Variants in MYO18B observed in about 807,000 individuals in gnomAD.
The protein encoded by MYO18B is myosin XVIIIB, also known as unconventional myosin-XVIIIb.
Under a neutral mutation model 273.0 loss-of-function variants are expected in MYO18B, and 204 were observed. The ratio of observed to expected loss-of-function variants is 0.75; its 90% CI spans 0.67 to 0.84. MYO18B has a LOEUF of 0.84. MYO18B is among the 40% of genes least tolerant of loss of function. The pLI, the probability that MYO18B is intolerant of heterozygous loss-of-function variation, is 0.00. For missense variants in MYO18B, 3,212 were observed against 3,287.6 expected (o/e 0.98, Z 0.56); for synonymous variants, 1,330 against 1,305.7 (o/e 1.02, Z -0.40).
At chr22:25,996,798 T>C (rs2146874271) in intron 40 of MYO18B, among the ~76,000 whole-genome samples, 1 of 152,206 alleles carries the variant, frequency 6.6e-6, no homozygotes. Flanking sequence ...CAAGGCACGT[T>C]CTAGGAAGTG....
intron 34 of MYO18B, among the ~76,000 whole-genome samples, chr22:25,931,884 C>T (rs1000124402): frequency 1.3e-5 from 2 of 150,512 alleles, no homozygotes; most frequent in Non-Finnish European, 3.0e-5. Context: ...CCATCATGTC[C>T]AGCTAATTTT....
intron 34 of MYO18B, among the ~76,000 whole-genome samples, chr22:25,921,911 A>G (rs916630421): frequency 6.6e-6 from 1 of 151,986 alleles, no homozygotes; most frequent in Non-Finnish European, 1.5e-5. Flanking sequence ...AGTGCCAGTC[A>G]TGCAAAACCA....
chr22:25,942,517 T>C lies in MYO18B; in HGVS notation c.5518-3620T>C, dbSNP rs550907211. Among the ~76,000 whole-genome samples, 7 of 152,334 alleles carry C rather than the reference T, an allele frequency of 4.6e-5. No homozygotes were observed. The South Asian group carries it at 1.2e-3, about 27-fold the overall frequency. ...TCAGACCTCCCAGTGAGTGGCTTTC[T>C]ATGAGGGGCAGTGAAGCTCAGTAGT... On this transcript the variant is annotated intron_variant, in intron 34 of 43. Coordinates refer to ENST00000335473, the MANE Select transcript of MYO18B (RefSeq NM_032608.7).
At chr22:26,047,148 A>G in the MYO18B span, among the ~76,000 whole-genome samples, 1 of 142,058 alleles carries the variant, frequency 7.0e-6, no homozygotes, top group Non-Finnish European at 1.5e-5. Flanking sequence ...TTTTTTTAAG[A>G]CAGAGTCTCG....
Position 25,835,310 on chromosome 22 carries a change from T to C in MYO18B, c.3075T>C (p.Ala1025=). ...DQNPSQVRLP[A]GGGAQDARGL... ...TCTCCCAGCAGGTCCGCTTACCAGC[T>C]GGAGGAGGTGCCCAGGATGCCAGAG... The change falls in exon 17 of 44, where the codon GCT becomes GCC. Residue 1025 remains alanine (A), a synonymous_variant. Transcript: ENST00000335473. 1 of 1,613,824 alleles carries C rather than the reference T, an allele frequency of 6.2e-7. No homozygotes were observed. Among genetic ancestry groups the C allele is most frequent in the Non-Finnish European group, 8.5e-7 (1 of 1,179,826 alleles).
chr22:25,992,573 T>A, intron 40 of MYO18B, 80 bp downstream of exon 40: 1 of 1,578,964 alleles, frequency 6.3e-7, no homozygotes, highest in Non-Finnish European at 8.6e-7. Flanking sequence ...TTAGCCGGGC[T>A]GGGGCCACAT....
At chr22:25,982,262 C>T (rs958293479) in intron 39 of MYO18B, among the ~76,000 whole-genome samples, 3 of 152,134 alleles carry the variant, frequency 2.0e-5, no homozygotes, top group African/African-American at 7.2e-5. Context: ...AGGCAGAGAA[C>T]TGAGCCTTCC....
At chr22:25,952,595 C>A (rs1005411190) in intron 38 of MYO18B, among the ~76,000 whole-genome samples, 172 bp downstream of exon 38, 1 of 152,174 alleles carries the variant, frequency 6.6e-6, no homozygotes, top group African/African-American at 2.4e-5. Flanking sequence ...AGCATCATCC[C>A]TCAAGCCACC....
chr22:25,756,011 C>G (rs1429661205), intron 1 of MYO18B, among the ~76,000 whole-genome samples: 1 of 152,146 alleles, frequency 6.6e-6, no homozygotes, highest in African/African-American at 2.4e-5. Context: ...CATACTTTTG[C>G]CTCAGCCTCC....
At chr22:26,009,039 T>C (rs1934672105) in intron 42 of MYO18B, among the ~76,000 whole-genome samples, 1 of 152,226 alleles carries the variant, frequency 6.6e-6, no homozygotes, top group South Asian at 2.1e-4. Context: ...GCCAAGGTAT[T>C]GTCATCGGGC....
chr22:25,794,365 C>CCTGG (rs1188661073), intron 11 of MYO18B, among the ~76,000 whole-genome samples: 1 of 151,804 alleles, frequency 6.6e-6, no homozygotes, highest in African/African-American at 2.4e-5. Flanking sequence ...TGCCACCATG[C>CCTGG]CTGGCAGATT....
chr22:25,929,603 T>C (rs189080142), intron 34 of MYO18B, among the ~76,000 whole-genome samples: 3 of 152,336 alleles, frequency 2.0e-5, no homozygotes, highest in African/African-American at 7.2e-5. Flanking sequence ...AGAGGCAATA[T>C]GTTACTTGCT....
chr22:25,790,880 C>T (rs1205488863), intron 11 of MYO18B, among the ~76,000 whole-genome samples: 1 of 152,110 alleles, frequency 6.6e-6, no homozygotes, highest in African/African-American at 2.4e-5. Flanking sequence ...GCCTGGGGGT[C>T]CCATCCCTCA....
intron 31 of MYO18B, among the ~76,000 whole-genome samples, chr22:25,906,363 G>GA (rs1015275722): frequency 6.6e-6 from 1 of 151,922 alleles, no homozygotes. Flanking sequence ...CATTTTAAAG[G>GA]AAAAAAAGGC....
intron 12 of MYO18B, among the ~76,000 whole-genome samples, chr22:25,809,586 G>T (rs778536871): frequency 1.2e-4 from 19 of 152,120 alleles, no homozygotes; most frequent in Non-Finnish European, 2.2e-4. Context: ...ATGAAGGGAG[G>T]CTGCTATCTA....
At chr22:25,848,723 T>C (rs923048792) in intron 20 of MYO18B, among the ~76,000 whole-genome samples, 1 of 152,214 alleles carries the variant, frequency 6.6e-6, no homozygotes. Flanking sequence ...GCTATTCTTT[T>C]CTGCCTCTCA....
intron 39 of MYO18B, among the ~76,000 whole-genome samples, chr22:25,971,603 A>T (rs1474557050): frequency 6.6e-6 from 1 of 152,112 alleles, no homozygotes; most frequent in Non-Finnish European, 1.5e-5. Context: ...TCCCAGGATG[A>T]TCCTTCTGTT....
At chr22:25,785,970 G>A (rs1443375860) in intron 11 of MYO18B, among the ~76,000 whole-genome samples, 1 of 152,190 alleles carries the variant, frequency 6.6e-6, no homozygotes, top group African/African-American at 2.4e-5. Context: ...AACTTGGGTA[G>A]GGGCACTCAG....
chr22:25,887,609 C>G lies in MYO18B; in HGVS notation c.4315-3147C>G, dbSNP rs116868806. The stretch of plus-strand genomic sequence containing the variant: ...TCTGGGTTTGCAAACCAGACTCCCC[C>G]CTTCATTAAATTGGTTTTCAATTTG... On this transcript the variant is annotated intron_variant, in intron 25 of 43. Transcript: ENST00000335473. Among the ~76,000 whole-genome samples the G allele has an allele frequency of 9.8e-4, 149 of 152,214 alleles. No homozygotes were observed. In the East Asian group the frequency reaches 0.025, roughly 25 times the overall value.
Sources: gnomAD v4.1 joint callset for allele counts (sites outside exome capture counted in the v4.1 genomes callset) on GRCh38, gnomAD v4.1.1 for gene constraint, MANE v1.5 for transcripts, NCBI Gene and HGNC (gene_info 2026-07-23, HGNC 2026-07-21) for gene names.